Variants in SNX29 observed in about 807,000 individuals in gnomAD.
SNX29 encodes the protein sorting nexin 29, also known as sorting nexin-29.
SNX29 carries 78 observed loss-of-function variants against 102.1 expected under a neutral mutation model. That is an observed-to-expected ratio of 0.76 (90% CI 0.64 to 0.92). The LOEUF is 0.92. Ranked by LOEUF, SNX29 falls within the 40% of genes least tolerant of loss-of-function variation. The probability of loss-of-function intolerance (pLI) is 0.00; values close to 1 mark genes in which losing one functional copy is unlikely to be tolerated. For missense variants in SNX29, 1,280 were observed against 1,061.7 expected, an observed-to-expected ratio of 1.21 and a Z score of -2.86; for synonymous variants, 580 against 414.5, an observed-to-expected ratio of 1.40 and a Z score of -4.85.
chr16:12,340,256 C>T (rs2081573149), intron 15 of SNX29, among the ~76,000 whole-genome samples: 1 of 152,206 alleles, frequency 6.6e-6, no homozygotes, highest in Admixed American at 6.5e-5. Context: ...GTTAATTTCT[C>T]AGATGCAGAA....
intron 15 of SNX29, among the ~76,000 whole-genome samples, chr16:12,301,088 C>G (rs2080159043): frequency 6.6e-6 from 1 of 152,206 alleles, no homozygotes; most frequent in African/African-American, 2.4e-5. Context: ...TCAAGTTAAA[C>G]AGCCTGAGTC....
In SNX29 at chr16:12,571,809, T is replaced by G; in HGVS notation, c.*3180T>G. 2 of 1,029,404 alleles carry G rather than the reference T, an allele frequency of 1.9e-6. No individual in the cohort carries two copies. The highest frequency in any genetic ancestry group is 3.3e-5 in the African/African-American group (2 of 60,264). The allele number at this position is 1,029,404 out of a possible 1,614,324, so 63.8% of individuals were successfully genotyped here. On this transcript the variant is annotated 3_prime_UTR_variant, in exon 21 of 21. Coordinates refer to ENST00000566228, the MANE Select transcript of SNX29 (RefSeq NM_032167.5). ...ACTCTTCCTGCAATCAGTGTGAAATTCCAGCTTCTTTGATTCCCACTTAGC... is the reference window on the plus strand; with the variant it reads ...ACTCTTCCTGCAATCAGTGTGAAATGCCAGCTTCTTTGATTCCCACTTAGC...
At chr16:12,335,081 A>G (rs2081407401) in intron 15 of SNX29, among the ~76,000 whole-genome samples, 1 of 151,964 alleles carries the variant, frequency 6.6e-6, no homozygotes, top group Non-Finnish European at 1.5e-5. Context: ...GTGGGAAATG[A>G]CATCATCTGC....
chr16:12,429,546 G>T (rs1023650747), intron 18 of SNX29, among the ~76,000 whole-genome samples: 2 of 152,198 alleles, frequency 1.3e-5, no homozygotes, highest in East Asian at 1.9e-4. Context: ...TGGGATTACA[G>T]ATGTGAGCCA....
intron 20 of SNX29, among the ~76,000 whole-genome samples, chr16:12,531,292 G>T (rs1041965581): frequency 1.3e-5 from 2 of 152,218 alleles, no homozygotes; most frequent in Non-Finnish European, 2.9e-5. Flanking sequence ...TGGAAGTCTT[G>T]GTCTCTGGGG....
intron 1 of SNX29, among the ~76,000 whole-genome samples, chr16:11,993,245 C>G (rs373347868): frequency 1.3e-5 from 2 of 151,992 alleles, no homozygotes; most frequent in East Asian, 3.8e-4. Context: ...GGAATGGGAA[C>G]CAGTTTACCT....
chr16:12,334,057 C>T lies in SNX29; in HGVS notation c.1783-22106C>T, dbSNP rs1246559364. ...ATTTTTAGACGGCCTTGTAGGGAAG[C>T]GAAAACATGGCTCATCCCTTTCAGC... On this transcript the variant is annotated intron_variant, in intron 15 of 20. Coordinates refer to ENST00000566228, the MANE Select transcript of SNX29 (RefSeq NM_032167.5). 3.3e-5 allele frequency among the ~76,000 whole-genome samples: 5 copies of T among 152,120 alleles called. No homozygotes were observed. In the East Asian group the frequency reaches 7.7e-4, roughly 23 times the overall value.
intron 13 of SNX29, among the ~76,000 whole-genome samples, chr16:12,195,154 A>G (rs2076742348): frequency 6.6e-6 from 1 of 152,180 alleles, no homozygotes; most frequent in African/African-American, 2.4e-5. Context: ...TATCAGTGTG[A>G]GTATATATGT....
intron 15 of SNX29, among the ~76,000 whole-genome samples, chr16:12,342,872 A>G (rs1163755592): frequency 6.6e-6 from 1 of 152,188 alleles, no homozygotes; most frequent in Non-Finnish European, 1.5e-5. Flanking sequence ...GCTGGTGTTC[A>G]TGAATTACTG....
At chr16:12,486,804 T>G (rs1232521549) in intron 19 of SNX29, among the ~76,000 whole-genome samples, 1 of 152,248 alleles carries the variant, frequency 6.6e-6, no homozygotes. Context: ...CCACCCTTGC[T>G]TAGGGGCCAT....
At chr16:12,068,519 G>T (rs1026827871) in intron 9 of SNX29, among the ~76,000 whole-genome samples, 46 of 114,368 alleles carry the variant, frequency 4.0e-4, no homozygotes, top group African/African-American at 1.4e-3. Flanking sequence ...AAAAAAAAAA[G>T]TCACAGGTTA....
intron 13 of SNX29, among the ~76,000 whole-genome samples, chr16:12,180,015 C>T (rs1361783564): frequency 6.6e-6 from 1 of 152,132 alleles, no homozygotes; most frequent in Non-Finnish European, 1.5e-5. Context: ...TGTGGAACTT[C>T]GGGTCTCTTT....
chr16:12,210,171 G>C (rs945566427), intron 14 of SNX29, among the ~76,000 whole-genome samples: 1 of 152,226 alleles, frequency 6.6e-6, no homozygotes, highest in Middle Eastern at 3.4e-3. Context: ...GGTTCAGGGT[G>C]TGTGTGTGTC....
At chr16:12,243,943 A>G (rs977815312) in intron 14 of SNX29, among the ~76,000 whole-genome samples, 1 of 152,290 alleles carries the variant, frequency 6.6e-6, no homozygotes, top group African/African-American at 2.4e-5. Flanking sequence ...GCTCTGGTAG[A>G]GGTTAGGTTC....
chr16:12,291,749 G>A (rs1356799293), intron 15 of SNX29, among the ~76,000 whole-genome samples: 2 of 152,198 alleles, frequency 1.3e-5, no homozygotes, highest in Non-Finnish European at 2.9e-5. Flanking sequence ...ATTGAGACAT[G>A]GAGAAGGGAG....
intron 11 of SNX29, among the ~76,000 whole-genome samples, chr16:12,119,280 G>A (rs928585435): frequency 2.0e-5 from 3 of 152,180 alleles, no homozygotes; most frequent in Admixed American, 6.5e-5. Flanking sequence ...GTCTGTATCC[G>A]CTTTTGGGAT....
intron 11 of SNX29, among the ~76,000 whole-genome samples, chr16:12,086,296 G>T (rs553535823): frequency 4.5e-4 from 69 of 152,212 alleles, no homozygotes; most frequent in African/African-American, 1.6e-3. Flanking sequence ...GAGCCACCGC[G>T]CCTGGCCACG....
chr16:12,360,650 C>A (rs536446761), intron 16 of SNX29, among the ~76,000 whole-genome samples: 8 of 152,052 alleles, frequency 5.3e-5, no homozygotes, highest in Non-Finnish European at 8.8e-5. Flanking sequence ...CCCATCCCCC[C>A]ACCCCCTACC....
chr16:12,145,449 T>C (rs1406227705), intron 13 of SNX29, among the ~76,000 whole-genome samples: 2 of 152,210 alleles, frequency 1.3e-5, no homozygotes, highest in Non-Finnish European at 2.9e-5. Flanking sequence ...TGTTCATAAA[T>C]GTAATGTGTA....
Sources: gnomAD v4.1 joint callset for allele counts (sites outside exome capture counted in the v4.1 genomes callset) on GRCh38, gnomAD v4.1.1 for gene constraint, MANE v1.5 for transcripts, NCBI Gene and HGNC (gene_info 2026-07-23, HGNC 2026-07-21) for gene names.